Variants in PCDH15 observed in about 807,000 individuals in gnomAD.
The protein encoded by PCDH15 is protocadherin-15.
In PCDH15, 129 loss-of-function variants were observed where a neutral mutation model predicts 178.5. The observed-to-expected ratio is 0.72, with a 90% confidence interval of 0.63 to 0.84. The LOEUF (loss-of-function observed/expected upper bound fraction) is 0.84, where lower values mean the gene tolerates loss of function less well. Among genes scored for constraint, PCDH15 ranks in the 40% least tolerant of loss-of-function variants. The pLI, the probability that PCDH15 is intolerant of heterozygous loss-of-function variation, is 0.00. For synonymous variants in PCDH15, 800 were observed against 732.0 expected (o/e 1.09, Z -1.50); for missense variants, 2,230 against 2,099.9 (o/e 1.06, Z -1.21).
chr10:55,345,211 A>T (rs575954448), intron 2 of PCDH15, among the ~76,000 whole-genome samples: 63 of 151,954 alleles, frequency 4.1e-4, no homozygotes, highest in African/African-American at 1.3e-3. Context: ...ATTTTTGATT[A>T]AAAAAGTTGT....
chr10:55,067,711 T>C (rs956079693), intron 2 of PCDH15, among the ~76,000 whole-genome samples: 1 of 150,600 alleles, frequency 6.6e-6, no homozygotes, highest in African/African-American at 2.4e-5. Context: ...CCACCAACAG[T>C]GTATAAGAGT....
At chr10:54,776,975 T>C (rs1460833418) in intron 1 of PCDH15, among the ~76,000 whole-genome samples, 3 of 152,172 alleles carry the variant, frequency 2.0e-5, no homozygotes, top group Non-Finnish European at 4.4e-5. Flanking sequence ...ATGTTTTCTT[T>C]TATTATGGAA....
At chr10:55,494,853 T>C (rs1370158715) in intron 2 of PCDH15, among the ~76,000 whole-genome samples, 1 of 151,864 alleles carries the variant, frequency 6.6e-6, no homozygotes, top group Non-Finnish European at 1.5e-5. Context: ...GGAGAACTCA[T>C]ACTTCCTAAC....
chr10:53,824,502 G>GTTAA (rs1588951053), intron 32 of PCDH15, among the ~76,000 whole-genome samples: 1 of 152,160 alleles, frequency 6.6e-6, no homozygotes, highest in East Asian at 1.9e-4. Flanking sequence ...AGCCACAGTT[G>GTTAA]TTAATGTGTC....
chr10:54,236,626 A>G (rs1300774393), intron 9 of PCDH15, among the ~76,000 whole-genome samples, 197 bp downstream of exon 9: 1 of 152,160 alleles, frequency 6.6e-6, no homozygotes, highest in Non-Finnish European at 1.5e-5. Context: ...TTCATTTATC[A>G]TTCTACACAT....
chr10:55,414,448 T>TATTTTGAATTTGGATATC lies in PCDH15; in HGVS notation c.-156+213159_-156+213176dup, dbSNP rs1185238283. Among the ~76,000 whole-genome samples the TATTTTGAATTTGGATATC allele has an allele frequency of 9.2e-5, 14 of 151,734 alleles. No individual in the cohort carries two copies. The East Asian group carries it at 2.7e-3, about 29-fold the overall frequency. ...AAGGAATTGCATTAAATTTGAATAT[T>TATTTTGAATTTGGATATC]ATTTTGAATTTGGATATCACATTGG... On this transcript the variant is annotated intron_variant, in intron 2 of 5. Coordinates refer to the PCDH15 transcript ENST00000613346.
rs186893683 is a variant in PCDH15 at position 55,546,937 on chromosome 10, C to A, written c.-156+80688G>T. 4.0e-4 allele frequency among the ~76,000 whole-genome samples: 61 copies of A among 151,568 alleles called. 1 individual carries two copies. The highest frequency in any genetic ancestry group is 1.4e-3 in the African/African-American group (57 of 41,288). On this transcript the variant is annotated intron_variant, in intron 2 of 5. Transcript: ENST00000613346. ...TTCAGTCCATGAGGCAGGTCTGATACCTGTGAAAGAATAAGGGAAAAGAAG... is the reference window on the plus strand; with the variant it reads ...TTCAGTCCATGAGGCAGGTCTGATAACTGTGAAAGAATAAGGGAAAAGAAG...
rs189901625 is a variant in PCDH15 at position 54,230,209 on chromosome 10, G to A, written c.985+6614C>T. On this transcript the variant is annotated intron_variant, in intron 9 of 37. Transcript: ENST00000644397. ...TAGAAGTACATTAAAATTAGAAGAA[G>A]CATTCTAGAGAATGGTAAGGCATGA... 3.8e-3 allele frequency among the ~76,000 whole-genome samples: 580 copies of A among 152,186 alleles called. 3 individuals carry two copies. The highest frequency in any genetic ancestry group is 0.013 in the African/African-American group (555 of 41,524).
At chr10:54,937,659 C>T (rs933211915) in intron 2 of PCDH15, among the ~76,000 whole-genome samples, 2 of 151,686 alleles carry the variant, frequency 1.3e-5, no homozygotes, top group African/African-American at 2.4e-5. Context: ...TTGTGGATGT[C>T]GATCTTAGAC....
At chr10:54,890,250 C>T (rs540970533) in intron 3 of PCDH15, among the ~76,000 whole-genome samples, 4 of 151,904 alleles carry the variant, frequency 2.6e-5, no homozygotes, top group South Asian at 2.1e-4. Flanking sequence ...AATGGCTTTG[C>T]ATAAATAAGT....
chr10:54,414,979 C>T (rs1954108266), intron 3 of PCDH15, among the ~76,000 whole-genome samples: 1 of 151,990 alleles, frequency 6.6e-6, no homozygotes, highest in African/African-American at 2.4e-5. Flanking sequence ...TAAGTATTTG[C>T]ATCAATTGAT....
At chr10:55,032,981 G>T (rs1167741552) in intron 2 of PCDH15, among the ~76,000 whole-genome samples, 1 of 152,132 alleles carries the variant, frequency 6.6e-6, no homozygotes, top group African/African-American at 2.4e-5. Flanking sequence ...AGTTGTGCCT[G>T]AAATCAATGT....
At chr10:53,818,596 T>C (rs943642433) in intron 33 of PCDH15, among the ~76,000 whole-genome samples, 8 of 152,104 alleles carry the variant, frequency 5.3e-5, no homozygotes, top group African/African-American at 1.9e-4. Flanking sequence ...AGCCAAATAT[T>C]CAATATTACA....
At chr10:55,312,006 T>C (rs1363210606) in intron 1 of PCDH15, among the ~76,000 whole-genome samples, 1 of 152,216 alleles carries the variant, frequency 6.6e-6, no homozygotes, top group East Asian at 1.9e-4. Context: ...ATGCTGTGAA[T>C]CAAGGGAGTA....
At chr10:53,849,041 T>C (rs2078167012) in intron 28 of PCDH15, among the ~76,000 whole-genome samples, 1 of 152,130 alleles carries the variant, frequency 6.6e-6, no homozygotes, top group Admixed American at 6.5e-5. Flanking sequence ...TTTTTTCACC[T>C]AAAAGCAAAA....
intron 1 of PCDH15, among the ~76,000 whole-genome samples, chr10:55,270,488 A>G (rs187861693): frequency 9.3e-4 from 142 of 152,290 alleles, no homozygotes; most frequent in African/African-American, 3.2e-3. Context: ...AAAGGATATG[A>G]ACAGACACTT....
rs915392345 is a variant in PCDH15, at chr10:55,196,766, G to A, written c.-155-30115C>T. On this transcript the variant is annotated intron_variant, in intron 1 of 5. Transcript: ENST00000458638. ...GTAAAGAAAAATTTTCCATACGGAC[G>A]AGTTTTGTCTTTCCAAAACACATTT... Among the ~76,000 whole-genome samples, 13 of 151,838 alleles carry A rather than the reference G, an allele frequency of 8.6e-5. 2 individuals are homozygous for A. Among genetic ancestry groups the A allele is most frequent in the African/African-American group, 3.1e-4 (13 of 41,294 alleles).
intron 2 of PCDH15, among the ~76,000 whole-genome samples, chr10:55,329,781 T>G (rs1359627121): frequency 6.6e-6 from 1 of 151,778 alleles, no homozygotes; most frequent in Admixed American, 6.6e-5. Flanking sequence ...GGAAACAGAT[T>G]ACTTATACAG....
At chr10:54,978,903 T>C (rs1839146353) in intron 2 of PCDH15, among the ~76,000 whole-genome samples, 1 of 152,166 alleles carries the variant, frequency 6.6e-6, no homozygotes, top group African/African-American at 2.4e-5. Context: ...ATTTCTCTTA[T>C]TAGTCTGTCT....
Sources: allele counts gnomAD v4.1 joint callset (sites outside exome capture counted in the v4.1 genomes callset), GRCh38; gene constraint gnomAD v4.1.1; transcripts MANE v1.5; gene names NCBI Gene and HGNC (gene_info 2026-07-23, HGNC 2026-07-21).